RPS6KC1: variants seen among roughly 807,000 people sequenced by gnomAD.
RPS6KC1 encodes ribosomal protein S6 kinase C1.
In RPS6KC1, 54 loss-of-function variants were observed where a neutral mutation model predicts 103.8. The observed-to-expected ratio is 0.52, with a 90% CI of 0.42 to 0.65. The LOEUF (loss-of-function observed/expected upper bound fraction) is 0.65, where lower values mean the gene tolerates loss of function less well. Ranked by LOEUF, RPS6KC1 falls within the 30% of genes least tolerant of loss-of-function variation. The pLI, the probability that RPS6KC1 is intolerant of heterozygous loss-of-function variation, is 0.00. For synonymous variants in RPS6KC1, 439 were observed against 438.7 expected, an observed-to-expected ratio of 1.00 and a Z score of -0.01; for missense variants, 1,151 against 1,253.8, an observed-to-expected ratio of 0.92 and a Z score of 1.24.
chr1:213,053,317 C>A (rs2077091521), intron 1 of RPS6KC1, among the ~76,000 whole-genome samples: 1 of 152,212 alleles, frequency 6.6e-6, no homozygotes, highest in South Asian at 2.1e-4. Context: ...GGATTTAGAG[C>A]AGTTCTCTAT....
At chr1:213,647,083 G>T in the RPS6KC1 span, among the ~76,000 whole-genome samples, 1 of 151,780 alleles carries the variant, frequency 6.6e-6, no homozygotes, top group Admixed American at 6.6e-5. Flanking sequence ...GCTAATTTTT[G>T]TATTTTTAGT....
chr1:213,262,658 C>G, intron 13 of RPS6KC1, 63 bp from the exon 14 acceptor site: 1 of 1,073,848 alleles, frequency 9.3e-7, no homozygotes, highest in East Asian at 2.4e-5. Context: ...GTCCATAAAT[C>G]CTATGATAGA....
the RPS6KC1 span, among the ~76,000 whole-genome samples, chr1:213,560,350 G>T: frequency 6.6e-6 from 1 of 152,188 alleles, no homozygotes; most frequent in African/African-American, 2.4e-5. Flanking sequence ...ATATGGCAGA[G>T]ATTTGGCAAT....
intron 8 of RPS6KC1, among the ~76,000 whole-genome samples, chr1:213,178,014 G>A (rs528423132): frequency 7.9e-5 from 12 of 151,546 alleles, no homozygotes; most frequent in African/African-American, 2.9e-4. Context: ...GACTATCTGG[G>A]CAACATGGTG....
At chr1:213,588,360 C>T in the RPS6KC1 span, among the ~76,000 whole-genome samples, 1 of 149,830 alleles carries the variant, frequency 6.7e-6, no homozygotes, top group Non-Finnish European at 1.5e-5. Context: ...GTGGCGCAAT[C>T]TCAGCTCACT....
rs1385011346 is a variant in RPS6KC1 at position 213,113,014 on chromosome 1, A to T, written c.379-4303A>T. The stretch of plus-strand genomic sequence containing the variant: ...TCTTTGCTATTGTGAATAATGCCGC[A>T]ATAAACATATGTGTGCATGTGTCTT... On this transcript the variant is annotated intron_variant, in intron 4 of 14. Coordinates refer to ENST00000366960, the MANE Select transcript of RPS6KC1 (RefSeq NM_012424.6). Among the ~76,000 whole-genome samples the T allele has an allele frequency of 3.9e-5, 6 of 152,358 alleles. No homozygotes were observed. The South Asian group carries it at 1.2e-3, about 32-fold the overall frequency.
At chr1:213,295,466 T>C in the RPS6KC1 span, among the ~76,000 whole-genome samples, 95 of 152,334 alleles carry the variant, frequency 6.2e-4, no homozygotes, top group East Asian at 0.018. Context: ...AGATATCTTG[T>C]CATATGTTTA....
chr1:213,094,100 A>G (rs2081239745), intron 3 of RPS6KC1, among the ~76,000 whole-genome samples: 1 of 150,658 alleles, frequency 6.6e-6, no homozygotes, highest in African/African-American at 2.4e-5. Flanking sequence ...CCCCCCACCA[A>G]GAGAATAGTA....
intron 4 of RPS6KC1, among the ~76,000 whole-genome samples, chr1:213,107,762 A>G (rs150609656): frequency 6.6e-6 from 1 of 152,326 alleles, no homozygotes; most frequent in African/African-American, 2.4e-5. Context: ...TAATGTTTGA[A>G]CTTACCAGTT....
chr1:213,786,783 A>G, the RPS6KC1 span, among the ~76,000 whole-genome samples: 1 of 152,192 alleles, frequency 6.6e-6, no homozygotes, highest in Non-Finnish European at 1.5e-5. Context: ...CCCTGGCCTC[A>G]CAACCTTCTA....
intron 6 of RPS6KC1, among the ~76,000 whole-genome samples, chr1:213,134,851 A>G (rs74140567): frequency 2.6e-5 from 4 of 152,154 alleles, no homozygotes; most frequent in African/African-American, 9.6e-5. Flanking sequence ...GGGCAACTGT[A>G]TAAGATTATA....
chr1:213,319,479 C>CG, the RPS6KC1 span, among the ~76,000 whole-genome samples: 1 of 152,112 alleles, frequency 6.6e-6, no homozygotes, highest in Non-Finnish European at 1.5e-5. Context: ...CCCTGATGTG[C>CG]GGTCAGCTCT....
the RPS6KC1 span, among the ~76,000 whole-genome samples, chr1:213,656,517 T>A: frequency 1.3e-5 from 2 of 152,204 alleles, no homozygotes; most frequent in Non-Finnish European, 1.5e-5. Flanking sequence ...GGACCCTTAA[T>A]GATAGAATCC....
At chr1:213,166,381 G>A (rs937594534) in intron 6 of RPS6KC1, among the ~76,000 whole-genome samples, 1 of 152,078 alleles carries the variant, frequency 6.6e-6, no homozygotes, top group Non-Finnish European at 1.5e-5. Context: ...CAAATAGATA[G>A]CTTTTATTAT....
chr1:213,602,011 CT>C, the RPS6KC1 span, among the ~76,000 whole-genome samples: 346 of 14,038 alleles, frequency 0.025, 47 homozygotes, highest in African/African-American at 0.026. Context: ...CTTTTCTTTT[CT>C]TTTCTTTCTT....
the RPS6KC1 span, among the ~76,000 whole-genome samples, chr1:213,635,337 C>A: frequency 6.6e-6 from 1 of 152,166 alleles, no homozygotes; most frequent in African/African-American, 2.4e-5. Flanking sequence ...AATTTTAGAC[C>A]AATATCCCTA....
At chr1:213,851,817 G>T in the RPS6KC1 span, among the ~76,000 whole-genome samples, 2 of 151,974 alleles carry the variant, frequency 1.3e-5, no homozygotes, top group South Asian at 4.2e-4. Context: ...AAACCAGCGT[G>T]GGAGCCACCC....
chr1:213,116,620 G>A (rs368429613), intron 4 of RPS6KC1, among the ~76,000 whole-genome samples: 17 of 150,680 alleles, frequency 1.1e-4, no homozygotes, highest in African/African-American at 2.2e-4. Flanking sequence ...TATTTTGCTC[G>A]TTAGTCGATG....
the RPS6KC1 span, among the ~76,000 whole-genome samples, chr1:213,832,295 C>T: frequency 1.3e-5 from 2 of 152,200 alleles, no homozygotes; most frequent in African/African-American, 4.8e-5. Flanking sequence ...CCAGAAGCTA[C>T]ATCCTCAACC....
Sources: allele counts gnomAD v4.1 joint callset (sites outside exome capture counted in the v4.1 genomes callset), GRCh38; gene constraint gnomAD v4.1.1; transcripts MANE v1.5; gene names NCBI Gene and HGNC (gene_info 2026-07-23, HGNC 2026-07-21).